HMGCLL1: variants seen among roughly 807,000 people sequenced by gnomAD.
The protein encoded by HMGCLL1 is 3-hydroxy-3-methylglutaryl-CoA lyase like 1, also known as 3-hydroxymethyl-3-methylglutaryl-CoA lyase, cytoplasmic.
HMGCLL1 carries 36 observed loss-of-function variants against 39.1 expected under a neutral mutation model. The ratio of observed to expected loss-of-function variants is 0.92; its 90% CI spans 0.71 to 1.22. The LOEUF (loss-of-function observed/expected upper bound fraction) is 1.22. HMGCLL1 is among the 50% of genes most tolerant of loss of function. The pLI, the probability that HMGCLL1 is intolerant of heterozygous loss-of-function variation, is 0.00. For synonymous variants in HMGCLL1, 149 were observed against 144.0 expected, an observed-to-expected ratio of 1.03 and a Z score of -0.25; for missense variants, 451 against 416.5, an observed-to-expected ratio of 1.08 and a Z score of -0.72.
chr6:55,545,291 T>C (rs149097184), intron 1 of HMGCLL1, among the ~76,000 whole-genome samples: 10 of 152,132 alleles, frequency 6.6e-5, no homozygotes, highest in African/African-American at 1.9e-4. Flanking sequence ...TGAATACAGT[T>C]GAAGAACTGA....
At chr6:55,546,948 C>A (rs2127462082) in intron 1 of HMGCLL1, among the ~76,000 whole-genome samples, 1 of 152,088 alleles carries the variant, frequency 6.6e-6, no homozygotes, top group African/African-American at 2.4e-5. Context: ...TCTAATGGTT[C>A]ACTTTCATAG....
intron 6 of HMGCLL1, among the ~76,000 whole-genome samples, chr6:55,497,149 C>T (rs182371555): frequency 1.2e-4 from 18 of 152,132 alleles, no homozygotes; most frequent in Admixed American, 1.1e-3. Context: ...TTGACAAAGA[C>T]ATGGGTTCTG....
chr6:55,676,303 C>T, the HMGCLL1 span, among the ~76,000 whole-genome samples: 3 of 152,140 alleles, frequency 2.0e-5, no homozygotes, highest in Non-Finnish European at 4.4e-5. Context: ...AAACTACTGA[C>T]ACTAGAGACA....
chr6:55,483,785 T>A (rs540745903), intron 7 of HMGCLL1, among the ~76,000 whole-genome samples: 6 of 152,300 alleles, frequency 3.9e-5, no homozygotes, highest in South Asian at 2.1e-4. Context: ...TGTCATTTTT[T>A]AAAAATAAAA....
chr6:55,495,718 T>A, intron 6 of HMGCLL1, 111 bp from the exon 7 acceptor site: 1 of 628,892 alleles, frequency 1.6e-6, no homozygotes, highest in Non-Finnish European at 2.6e-6. Context: ...ATACCAGTAA[T>A]GTCCATGAAA....
chr6:55,448,976 A>C (rs1367798815), intron 7 of HMGCLL1, among the ~76,000 whole-genome samples: 1 of 152,212 alleles, frequency 6.6e-6, no homozygotes, highest in African/African-American at 2.4e-5. Context: ...ATTTCTCAGA[A>C]TGATATCATC....
At chr6:55,518,941 A>T (rs2127439768) in intron 3 of HMGCLL1, among the ~76,000 whole-genome samples, 1 of 152,270 alleles carries the variant, frequency 6.6e-6, no homozygotes, top group Admixed American at 6.6e-5. Flanking sequence ...TTCATTTTAC[A>T]GCTATAAAAG....
intron 1 of HMGCLL1, among the ~76,000 whole-genome samples, chr6:55,544,435 G>A (rs1343184468): frequency 6.6e-6 from 1 of 152,108 alleles, no homozygotes; most frequent in African/African-American, 2.4e-5. Flanking sequence ...CCATATTCAA[G>A]TTCTTTAAGT....
At chr6:55,586,624 T>C in the HMGCLL1 span, among the ~76,000 whole-genome samples, 4 of 144,152 alleles carry the variant, frequency 2.8e-5, no homozygotes, top group African/African-American at 7.6e-5. Flanking sequence ...AATTCCCACC[T>C]ATGAGTGAGA....
chr6:55,661,182 G>A, the HMGCLL1 span, among the ~76,000 whole-genome samples: 4 of 151,832 alleles, frequency 2.6e-5, no homozygotes, highest in Non-Finnish European at 5.9e-5. Context: ...TCACTCTGTT[G>A]GTAGTTTCTT....
rs140048176 is a variant in HMGCLL1, at chr6:55,556,589, A to C, written c.109-14449T>G. On this transcript the variant is annotated intron_variant, in intron 1 of 8. Coordinates refer to ENST00000274901, the MANE Select transcript of HMGCLL1 (RefSeq NM_001042406.2). Reference sequence around the variant, plus strand: ...AGATTTTTGTTCCCAGGCAGATGGAAAGCCACTAGAGAGTGGGCTCGGGAG... The same window carrying C: ...AGATTTTTGTTCCCAGGCAGATGGACAGCCACTAGAGAGTGGGCTCGGGAG... Among the ~76,000 whole-genome samples the C allele has an allele frequency of 3.1e-3, 475 of 152,250 alleles. 2 individuals are homozygous for C. The highest frequency in any genetic ancestry group is 0.011 in the African/African-American group (449 of 41,548).
chr6:55,537,700 C>G (rs1004658613), intron 3 of HMGCLL1, among the ~76,000 whole-genome samples: 1 of 152,114 alleles, frequency 6.6e-6, no homozygotes, highest in African/African-American at 2.4e-5. Flanking sequence ...GCTGGGATTT[C>G]CAAGGTTCAG....
At chr6:55,456,512 G>A (rs531133838) in intron 7 of HMGCLL1, among the ~76,000 whole-genome samples, 17 of 152,226 alleles carry the variant, frequency 1.1e-4, no homozygotes, top group Non-Finnish European at 1.5e-4. Flanking sequence ...TGTCCGTCAC[G>A]TCTTTGCTCT....
chr6:55,455,331 G>A (rs1266055599), intron 7 of HMGCLL1, among the ~76,000 whole-genome samples: 1 of 151,628 alleles, frequency 6.6e-6, no homozygotes, highest in African/African-American at 2.4e-5. Context: ...GGTACATCTT[G>A]GAGGAAGAGG....
intron 7 of HMGCLL1, among the ~76,000 whole-genome samples, chr6:55,464,437 A>C (rs766912587): frequency 6.6e-6 from 1 of 152,168 alleles, no homozygotes; most frequent in Non-Finnish European, 1.5e-5. Context: ...GTGTACATAC[A>C]TGGATAACCA....
the HMGCLL1 span, among the ~76,000 whole-genome samples, chr6:55,628,818 GCA>G: frequency 6.6e-6 from 1 of 152,126 alleles, no homozygotes; most frequent in Admixed American, 6.6e-5. Flanking sequence ...GAGTTTCCAT[GCA>G]CAAACTTCCT....
chr6:55,649,426 C>T, the HMGCLL1 span, among the ~76,000 whole-genome samples: 2 of 151,412 alleles, frequency 1.3e-5, no homozygotes, highest in South Asian at 2.1e-4. Context: ...CACTCTCTCC[C>T]GTCCTGTTAG....
chr6:55,586,569 A>C, the HMGCLL1 span, among the ~76,000 whole-genome samples: 11 of 133,382 alleles, frequency 8.2e-5, no homozygotes, highest in Admixed American at 1.7e-4. Flanking sequence ...AACAGGCCCC[A>C]GTGTGTGATG....
Position 55,435,006 on chromosome 6 carries a change from T to C in HMGCLL1, c.*656A>G, listed in dbSNP as rs552835596. The stretch of plus-strand genomic sequence containing the variant: ...GACAGGTAAAGTGTGGTAAACTGGA[T>C]GCATGTAACAAACATGGGAGGTCGT... On this transcript the variant is annotated 3_prime_UTR_variant, in exon 9 of 9. Coordinates refer to ENST00000274901, the MANE Select transcript of HMGCLL1 (RefSeq NM_001042406.2). The C allele has an allele frequency of 2.4e-4, 37 of 152,670 alleles. No homozygotes were observed. Among genetic ancestry groups the C allele is most frequent in the Admixed American group, 4.6e-4 (7 of 15,248 alleles). 9.5% of individuals were successfully genotyped at this position (152,670 alleles called of 1,614,324 possible).
Sources: gnomAD v4.1 joint callset for allele counts (sites outside exome capture counted in the v4.1 genomes callset) on GRCh38, gnomAD v4.1.1 for gene constraint, MANE v1.5 for transcripts, NCBI Gene and HGNC (gene_info 2026-07-23, HGNC 2026-07-21) for gene names.